Variants in SDK1 observed in about 807,000 individuals in gnomAD.
SDK1 encodes the protein protein sidekick-1.
In SDK1, 157 loss-of-function variants were observed where a neutral mutation model predicts 245.5. The ratio of observed to expected loss-of-function variants is 0.64; its 90% confidence interval spans 0.56 to 0.73. The LOEUF is 0.73. Ranked by LOEUF, SDK1 falls within the 30% of genes least tolerant of loss-of-function variation. SDK1 has a pLI of 0.00. For missense variants in SDK1, 3,583 were observed against 3,002.3 expected (o/e 1.19, Z -4.52); for synonymous variants, 1,647 against 1,278.5 (o/e 1.29, Z -6.15).
intron 8 of SDK1, among the ~76,000 whole-genome samples, chr7:3,959,246 CA>C (rs1259792690): frequency 6.6e-6 from 1 of 152,052 alleles, no homozygotes; most frequent in African/African-American, 2.4e-5. Context: ...CCCAGCAGAG[CA>C]AAAAGGAAGC....
At chr7:3,469,367 G>T (rs1460047174) in intron 1 of SDK1, among the ~76,000 whole-genome samples, 1 of 152,152 alleles carries the variant, frequency 6.6e-6, no homozygotes. Context: ...GGAGTTCAAG[G>T]CTGAAGTGAG....
At chr7:3,354,273 C>T (rs966515200) in intron 1 of SDK1, among the ~76,000 whole-genome samples, 6 of 151,862 alleles carry the variant, frequency 4.0e-5, no homozygotes, top group African/African-American at 1.2e-4. Flanking sequence ...GCTGGGATTA[C>T]AGCGCCTGGC....
chr7:4,053,455 A>G (rs985209959), intron 19 of SDK1, among the ~76,000 whole-genome samples: 3 of 151,582 alleles, frequency 2.0e-5, no homozygotes, highest in Non-Finnish European at 2.9e-5. Context: ...TGGCGCTATT[A>G]CTTCTTCCAA....
intron 5 of SDK1, among the ~76,000 whole-genome samples, chr7:3,849,001 C>T (rs568778549): frequency 1.3e-5 from 2 of 152,328 alleles, no homozygotes; most frequent in East Asian, 3.9e-4. Context: ...TGCCACTTCT[C>T]TTCTTCCGGA....
At chr7:3,348,703 G>T (rs1028433867) in intron 1 of SDK1, among the ~76,000 whole-genome samples, 1 of 152,014 alleles carries the variant, frequency 6.6e-6, no homozygotes, top group Non-Finnish European at 1.5e-5. Context: ...AATAAAAGTT[G>T]AAATTGTTTT....
intron 4 of SDK1, among the ~76,000 whole-genome samples, chr7:3,765,155 A>T (rs148251982): frequency 6.6e-6 from 1 of 152,156 alleles, no homozygotes; most frequent in African/African-American, 2.4e-5. Context: ...CTAGAACAAT[A>T]TAAGTGAATT....
At chr7:3,418,713 C>T (rs1332217125) in intron 1 of SDK1, among the ~76,000 whole-genome samples, 4 of 152,066 alleles carry the variant, frequency 2.6e-5, no homozygotes, top group Non-Finnish European at 4.4e-5. Context: ...GATACATCGG[C>T]GATACTGTTA....
At chr7:3,847,504 CAGA>C (rs1780309946) in intron 5 of SDK1, among the ~76,000 whole-genome samples, 1 of 152,204 alleles carries the variant, frequency 6.6e-6, no homozygotes, top group South Asian at 2.1e-4. Flanking sequence ...TAGTAAGTGA[CAGA>C]AGGAGGATTG....
rs150602456 is a variant in SDK1 at position 3,568,456 on chromosome 7, G to A, written c.299-50624G>A. On this transcript the variant is annotated intron_variant, in intron 1 of 44. Transcript: ENST00000404826. The stretch of plus-strand genomic sequence containing the variant: ...CACTAGATTTTAGTTTCTTCTGGCC[G>A]GAGACCATGGGTGATTCACCTTTGA... Among the ~76,000 whole-genome samples, 35 of 152,092 alleles carry A rather than the reference G, an allele frequency of 2.3e-4. 1 individual carries two copies. The highest frequency in any genetic ancestry group is 3.9e-4 in the East Asian group (2 of 5,176).
At chr7:4,126,968 G>A (rs558228416) in intron 25 of SDK1, among the ~76,000 whole-genome samples, 1 of 152,210 alleles carries the variant, frequency 6.6e-6, no homozygotes, top group South Asian at 2.1e-4. Flanking sequence ...CTTCTTTTGT[G>A]TAAATCCTCA....
chr7:3,869,510 A>C (rs927295674), intron 5 of SDK1, among the ~76,000 whole-genome samples: 1 of 152,186 alleles, frequency 6.6e-6, no homozygotes, highest in African/African-American at 2.4e-5. Flanking sequence ...AGAGGGAAGC[A>C]GGATAGCTGG....
chr7:3,790,018 C>G (rs1020794980), intron 4 of SDK1, among the ~76,000 whole-genome samples: 2 of 152,132 alleles, frequency 1.3e-5, no homozygotes, highest in Non-Finnish European at 2.9e-5. Flanking sequence ...ACCTCTCCCC[C>G]TTCCCGAGGA....
intron 15 of SDK1, among the ~76,000 whole-genome samples, chr7:4,011,791 C>A (rs1180085429): frequency 6.6e-6 from 1 of 152,116 alleles, no homozygotes; most frequent in Non-Finnish European, 1.5e-5. Context: ...AGACGGCAGG[C>A]CGACGAGCGG....
At chr7:4,250,008 C>T (rs1242191679) in intron 44 of SDK1, among the ~76,000 whole-genome samples, 2 of 152,188 alleles carry the variant, frequency 1.3e-5, no homozygotes, top group African/African-American at 2.4e-5. Context: ...CACCCTGTAC[C>T]GATTAGCAGT....
intron 20 of SDK1, among the ~76,000 whole-genome samples, chr7:4,069,081 C>T (rs1394813825): frequency 6.7e-6 from 1 of 149,620 alleles, no homozygotes; most frequent in Non-Finnish European, 1.5e-5. Flanking sequence ...AATCTTAGTT[C>T]AAAAAAAAAA....
At chr7:3,491,200 T>C (rs908628105) in intron 1 of SDK1, among the ~76,000 whole-genome samples, 4 of 152,218 alleles carry the variant, frequency 2.6e-5, no homozygotes, top group Non-Finnish European at 5.9e-5. Context: ...TACAGTTAGG[T>C]GCCCTCTAGG....
intron 25 of SDK1, among the ~76,000 whole-genome samples, chr7:4,120,384 A>T (rs1253877091): frequency 1.3e-5 from 2 of 148,896 alleles, no homozygotes; most frequent in African/African-American, 4.9e-5. Flanking sequence ...TGAAAGGCAA[A>T]TAATCACAAA....
rs768513606 is a variant in SDK1, at chr7:3,705,745, A to AT, written c.713+63650dup. Among the ~76,000 whole-genome samples the AT allele has an allele frequency of 1.1e-3, 170 of 149,152 alleles. 1 individual carries two copies. Among genetic ancestry groups the AT allele is most frequent in the Non-Finnish European group, 1.8e-3 (121 of 67,006 alleles). On this transcript the variant is annotated intron_variant, in intron 4 of 44. Transcript: ENST00000404826. ...TCTTTTCCAATTTGGGTGCCCTTTA[A>AT]TTTTTTTTTTATCTTGCCTGATTCC...
In SDK1 at chr7:4,091,617, C is replaced by T. The variant is rs540582832; in HGVS notation, c.3324+12033C>T. On this transcript the variant is annotated intron_variant, in intron 22 of 44. Transcript: ENST00000404826. ...CTCAGCCTCCAAAGTGCTAGGATTACAGGCGTGAGCCACTGCACCCTGCCA... is the reference window on the plus strand; with the variant it reads ...CTCAGCCTCCAAAGTGCTAGGATTATAGGCGTGAGCCACTGCACCCTGCCA... Among the ~76,000 whole-genome samples, 3 of 152,222 alleles carry T rather than the reference C, an allele frequency of 2.0e-5. No individual in the cohort carries two copies. The South Asian group carries it at 6.2e-4, about 32-fold the overall frequency.
Sources: gnomAD v4.1 joint callset for allele counts (sites outside exome capture counted in the v4.1 genomes callset) on GRCh38, gnomAD v4.1.1 for gene constraint, MANE v1.5 for transcripts, NCBI Gene and HGNC (gene_info 2026-07-23, HGNC 2026-07-21) for gene names.